The following SHANK2 variants were observed in gnomAD, a reference collection of about 807,000 sequenced individuals.
The protein encoded by SHANK2 is SH3 and multiple ankyrin repeat domains protein 2.
A neutral mutation model predicts 133.7 loss-of-function variants in SHANK2; 43 were observed. The observed-to-expected ratio is 0.32, with a 90% CI of 0.25 to 0.41. The LOEUF (loss-of-function observed/expected upper bound fraction) is 0.41, where lower values mean the gene tolerates loss of function less well. SHANK2 is among the 10% of genes least tolerant of loss of function. SHANK2 has a pLI of 1.00. For missense variants in SHANK2, 1,994 were observed against 2,235.8 expected, an observed-to-expected ratio of 0.89 and a Z score of 2.18; for synonymous variants, 1,017 against 952.8, an observed-to-expected ratio of 1.07 and a Z score of -1.24.
Position 70,485,864 on chromosome 11 carries a change from G to A in SHANK2, c.4429C>T (p.Leu1477=), listed in dbSNP as rs2058795421. The change falls in exon 25 of 26, where the codon CTG becomes TTG. Residue 1477 remains leucine, a synonymous_variant. Transcript: ENST00000601538. This position sits in a 1 kb window ranked among gnomAD's most constrained non-coding sequence, Gnocchi z 5.8. ...GCGTCAAAGCTTTCAGGGGGTGGCA[G>A]GAATGAGGCAGGCAGACAGTTTGAA... The part of the protein sequence containing the change: ...SLSNCLPASF[L]PPPESFDAVA... 6.2e-7 allele frequency: 1 copy of A among 1,614,002 alleles called. No individual in the cohort carries two copies. Among genetic ancestry groups the A allele is most frequent in the Non-Finnish European group, 8.5e-7 (1 of 1,180,054 alleles).
chr11:71,208,267 A>G lies in SHANK2; in HGVS notation c.-13+16430T>C, dbSNP rs1413526940. 3.3e-5 allele frequency among the ~76,000 whole-genome samples: 5 copies of G among 152,064 alleles called. No homozygotes were observed. In the East Asian group the frequency reaches 9.8e-4, roughly 30 times the overall value. On this transcript the variant is annotated intron_variant, in intron 2 of 25. Transcript: ENST00000601538. ...AGTGGGATGTGCCAGGGCAGGGAGA[A>G]GCTGTCCTGGGAAGGAGGGCAGCCC...
intron 12 of SHANK2, among the ~76,000 whole-genome samples, chr11:70,811,746 C>T (rs1948284800): frequency 6.6e-6 from 1 of 151,796 alleles, no homozygotes; most frequent in Non-Finnish European, 1.5e-5. Flanking sequence ...ATCCATTCAT[C>T]CATCATCTAT....
chr11:70,721,694 A>T (rs2134664976), intron 14 of SHANK2, among the ~76,000 whole-genome samples: 1 of 152,308 alleles, frequency 6.6e-6, no homozygotes, highest in South Asian at 2.1e-4. Flanking sequence ...CAGGGCTGGG[A>T]TGTGGGACCG....
intron 17 of SHANK2, among the ~76,000 whole-genome samples, chr11:70,615,223 C>G: frequency 6.6e-6 from 1 of 152,252 alleles, no homozygotes; most frequent in African/African-American, 2.4e-5. Context: ...CTATACACCT[C>G]TGCCTAATGC....
At chr11:70,766,694 T>C (rs534120241) in intron 14 of SHANK2, among the ~76,000 whole-genome samples, 17 of 152,310 alleles carry the variant, frequency 1.1e-4, no homozygotes, top group Admixed American at 2.0e-4. Flanking sequence ...CTTGCCGCTC[T>C]AACAGGTAGG....
chr11:70,805,029 C>T (rs1948129678), intron 13 of SHANK2, among the ~76,000 whole-genome samples: 1 of 152,208 alleles, frequency 6.6e-6, no homozygotes, highest in Non-Finnish European at 1.5e-5. Context: ...TGCAGCTCTG[C>T]CCCTCTCGGA....
intron 2 of SHANK2, among the ~76,000 whole-genome samples, chr11:71,183,483 A>G (rs1481380711): frequency 6.6e-6 from 1 of 152,188 alleles, no homozygotes; most frequent in Admixed American, 6.5e-5. Flanking sequence ...TTGCTTTTCA[A>G]TGCAAAGCTC....
intron 3 of SHANK2, among the ~76,000 whole-genome samples, chr11:71,120,960 G>C (rs1952074763): frequency 6.6e-6 from 1 of 152,252 alleles, no homozygotes; most frequent in African/African-American, 2.4e-5. Flanking sequence ...TGCCACTGCA[G>C]GTGATTGCAA....
chr11:71,062,801 G>C (rs1162187344), intron 9 of SHANK2, among the ~76,000 whole-genome samples: 1 of 151,936 alleles, frequency 6.6e-6, no homozygotes, highest in African/African-American at 2.4e-5. Context: ...TTTCAGACCA[G>C]CCTGGGCAAT....
chr11:70,572,948 A>C (rs2060064482), intron 17 of SHANK2, among the ~76,000 whole-genome samples: 1 of 152,176 alleles, frequency 6.6e-6, no homozygotes, highest in Non-Finnish European at 1.5e-5. Context: ...GTGCATGGAC[A>C]TTCACAGCAA....
rs1284989146 is a variant in SHANK2, at chr11:70,732,026, C to A, written c.1778-33263G>T. ...CTCTGAACGCAGTCCTCTGTGTCTT[C>A]CTCTCTGGCCACACACACCCCCAGG... On this transcript the variant is annotated intron_variant, in intron 14 of 25. Transcript: ENST00000601538. Among the ~76,000 whole-genome samples the A allele has an allele frequency of 2.6e-5, 4 of 152,168 alleles. No individual in the cohort carries two copies. In the East Asian group the frequency reaches 7.7e-4, roughly 29 times the overall value.
intron 17 of SHANK2, among the ~76,000 whole-genome samples, chr11:70,517,511 C>T (rs1554970347): frequency 6.6e-6 from 1 of 152,076 alleles, no homozygotes; most frequent in African/African-American, 2.4e-5. Flanking sequence ...ATCTAGAAAA[C>T]GGAATATTAG....
chr11:70,903,522 C>T (rs1480601797), intron 10 of SHANK2, among the ~76,000 whole-genome samples: 8 of 152,106 alleles, frequency 5.3e-5, no homozygotes, highest in African/African-American at 9.7e-5. Flanking sequence ...TCACAGCCCA[C>T]TAGGACTTAG....
chr11:70,938,909 C>T (rs994362739), intron 10 of SHANK2, among the ~76,000 whole-genome samples: 2 of 152,088 alleles, frequency 1.3e-5, no homozygotes, highest in South Asian at 2.1e-4. Flanking sequence ...GGGAGTGACA[C>T]GACCCCATGT....
chr11:70,718,577 T>C (rs1376422348), intron 14 of SHANK2, among the ~76,000 whole-genome samples: 1 of 152,148 alleles, frequency 6.6e-6, no homozygotes, highest in Admixed American at 6.5e-5. Flanking sequence ...TGAGCCTCCT[T>C]CCAAATACCT....
At chr11:70,714,394 G>A (rs1591777464) in intron 14 of SHANK2, among the ~76,000 whole-genome samples, 1 of 152,340 alleles carries the variant, frequency 6.6e-6, no homozygotes, top group Non-Finnish European at 1.5e-5. Context: ...CAGCCAGGCA[G>A]GGTCCTAACT....
rs1315286433 is a variant in SHANK2, at chr11:70,830,197, A to G, written c.1175-9515T>C. 5.9e-5 allele frequency among the ~76,000 whole-genome samples: 9 copies of G among 152,134 alleles called. No homozygotes were observed. The South Asian group carries it at 6.2e-4, about 11-fold the overall frequency. ...TCCCCATCCCTGCCTTTCTGGGGGA[A>G]TATTTATCTTCCAGCCCTGGGATGT... On this transcript the variant is annotated intron_variant, in intron 11 of 25. Transcript: ENST00000601538. The surrounding 1 kb of genome is among the most constrained non-coding windows in gnomAD (Gnocchi z 4.4).
At chr11:70,920,712 A>T (rs1206969151) in intron 10 of SHANK2, among the ~76,000 whole-genome samples, 1 of 152,208 alleles carries the variant, frequency 6.6e-6, no homozygotes, top group Admixed American at 6.5e-5. Context: ...TGAAACCACT[A>T]CAGCAGAGTA....
At chr11:70,845,278 TG>T (rs1590751035) in intron 11 of SHANK2, among the ~76,000 whole-genome samples, 1 of 125,376 alleles carries the variant, frequency 8.0e-6, no homozygotes, top group Admixed American at 7.8e-5. Flanking sequence ...ATAGAGAAAA[TG>T]GGTTTCAACC....
Sources: allele counts gnomAD v4.1 joint callset (sites outside exome capture counted in the v4.1 genomes callset), GRCh38; gene constraint gnomAD v4.1.1; non-coding constraint Gnocchi (gnomAD v3.1); transcripts MANE v1.5; gene names NCBI Gene and HGNC (gene_info 2026-07-23, HGNC 2026-07-21).